Variants in SLC9A9 observed in about 807,000 individuals in gnomAD.
SLC9A9 encodes solute carrier family 9 member A9, also known as sodium/hydrogen exchanger 9.
Under a neutral mutation model 77.8 loss-of-function variants are expected in SLC9A9, and 62 were observed. The observed-to-expected ratio is 0.80, with a 90% CI of 0.65 to 0.98. The LOEUF (loss-of-function observed/expected upper bound fraction) is 0.98, where lower values mean the gene tolerates loss of function less well. Ranked by LOEUF, SLC9A9 falls within the 50% of genes least tolerant of loss-of-function variation. The pLI, the probability that SLC9A9 is intolerant of heterozygous loss-of-function variation, is 0.00. For synonymous variants in SLC9A9, 320 were observed against 283.5 expected (o/e 1.13, Z -1.29); for missense variants, 775 against 774.9 (o/e 1.00, Z 0.00).
chr3:143,845,419 G>T (rs1051906208), intron 1 of SLC9A9, among the ~76,000 whole-genome samples: 47 of 152,164 alleles, frequency 3.1e-4, no homozygotes, highest in African/African-American at 1.1e-3. Flanking sequence ...CTGATAGAAA[G>T]TTCCTAATAA....
chr3:143,358,331 G>A (rs998080847), intron 14 of SLC9A9, among the ~76,000 whole-genome samples: 16 of 152,242 alleles, frequency 1.1e-4, no homozygotes, highest in Admixed American at 9.2e-4. Context: ...CTCCATCCAC[G>A]TGGCTTTATG....
At chr3:143,320,947 A>G (rs2031398209) in intron 14 of SLC9A9, among the ~76,000 whole-genome samples, 1 of 152,200 alleles carries the variant, frequency 6.6e-6, no homozygotes, top group Admixed American at 6.5e-5. Context: ...ATGCCATGTG[A>G]AGACAAAGGA....
chr3:143,658,506 A>G (rs575497492), intron 5 of SLC9A9, among the ~76,000 whole-genome samples: 2 of 152,304 alleles, frequency 1.3e-5, no homozygotes, highest in Admixed American at 6.5e-5. Context: ...AATGAGGAAA[A>G]TTATTCTTTT....
chr3:143,841,347 T>G (rs927861806), intron 1 of SLC9A9, among the ~76,000 whole-genome samples: 2 of 152,186 alleles, frequency 1.3e-5, no homozygotes, highest in African/African-American at 4.8e-5. Context: ...ATTACCTCAG[T>G]TTTCCTACCT....
chr3:143,828,251 C>A (rs1346953897), intron 2 of SLC9A9, among the ~76,000 whole-genome samples: 1 of 152,130 alleles, frequency 6.6e-6, no homozygotes, highest in Non-Finnish European at 1.5e-5. Flanking sequence ...TCTACCAACT[C>A]CAAGAATGAT....
chr3:143,447,452 A>G (rs372541206), intron 12 of SLC9A9, among the ~76,000 whole-genome samples: 1 of 152,248 alleles, frequency 6.6e-6, no homozygotes, highest in East Asian at 1.9e-4. Context: ...CTCTCTGAAA[A>G]CCATTGCCTT....
intron 12 of SLC9A9, among the ~76,000 whole-genome samples, chr3:143,413,787 T>A (rs1559905197): frequency 1.3e-5 from 2 of 150,454 alleles, no homozygotes; most frequent in Non-Finnish European, 1.5e-5. Flanking sequence ...TAACTGTGTG[T>A]GTGTGTGTGT....
intron 9 of SLC9A9, among the ~76,000 whole-genome samples, chr3:143,516,361 T>C (rs543488403): frequency 6.6e-6 from 1 of 152,318 alleles, no homozygotes; most frequent in East Asian, 1.9e-4. Context: ...AGCTTTTATC[T>C]TTATTTTTTG....
At chr3:143,552,792 A>G (rs747125625) in intron 8 of SLC9A9, among the ~76,000 whole-genome samples, 1 of 152,222 alleles carries the variant, frequency 6.6e-6, no homozygotes, top group Non-Finnish European at 1.5e-5. Context: ...GGTTTTTCAT[A>G]GCCAGTGCCA....
chr3:143,807,574 G>A (rs568292918), intron 2 of SLC9A9, among the ~76,000 whole-genome samples: 13 of 151,880 alleles, frequency 8.6e-5, no homozygotes, highest in South Asian at 2.1e-4. Context: ...GTTCAAATCC[G>A]TTTCTACTAA....
intron 14 of SLC9A9, among the ~76,000 whole-genome samples, chr3:143,287,022 G>A (rs778223411): frequency 3.9e-5 from 6 of 152,056 alleles, no homozygotes; most frequent in Non-Finnish European, 8.8e-5. Context: ...CTGTCCCTAC[G>A]TACCTTTTCC....
chr3:143,638,522 G>T (rs990619605), intron 6 of SLC9A9, among the ~76,000 whole-genome samples: 28 of 152,184 alleles, frequency 1.8e-4, no homozygotes, highest in African/African-American at 6.0e-4. Context: ...AATGGTGAAA[G>T]AATTTCCTCC....
chr3:143,595,619 A>G (rs543510438), intron 6 of SLC9A9, among the ~76,000 whole-genome samples: 1 of 152,324 alleles, frequency 6.6e-6, no homozygotes, highest in Non-Finnish European at 1.5e-5. Flanking sequence ...TAGGTGAAGT[A>G]TAGAAATGAG....
intron 11 of SLC9A9, among the ~76,000 whole-genome samples, chr3:143,488,376 G>A (rs1474887481): frequency 6.6e-6 from 1 of 151,962 alleles, no homozygotes; most frequent in East Asian, 1.9e-4. Flanking sequence ...AACCTGAAGA[G>A]GAGGAAGCAA....
At chr3:143,829,790 T>C (rs1419552523) in intron 2 of SLC9A9, among the ~76,000 whole-genome samples, 1 of 152,174 alleles carries the variant, frequency 6.6e-6, no homozygotes, top group Non-Finnish European at 1.5e-5. Flanking sequence ...GCAATAGTAC[T>C]AGTAGTAGTA....
chr3:143,591,754 A>G (rs1379380125), intron 6 of SLC9A9, among the ~76,000 whole-genome samples: 2 of 152,226 alleles, frequency 1.3e-5, no homozygotes, highest in Non-Finnish European at 2.9e-5. Flanking sequence ...TGGTGCCAGG[A>G]ACTAGGGCCC....
intron 4 of SLC9A9, among the ~76,000 whole-genome samples, chr3:143,769,019 C>T (rs1424625360): frequency 4.6e-5 from 7 of 151,990 alleles, no homozygotes; most frequent in African/African-American, 1.4e-4. Flanking sequence ...TGACTTTGGC[C>T]GAGTTATCTT....
intron 2 of SLC9A9, chr3:143,811,727 T>C (rs1034406325): frequency 6.6e-6 from 3 of 454,642 alleles, no homozygotes; most frequent in East Asian, 6.9e-5. Flanking sequence ...CCACGCACAG[T>C]GGCACACGCC....
At chr3:143,720,770 T>C (rs1934475786) in intron 4 of SLC9A9, among the ~76,000 whole-genome samples, 1 of 150,692 alleles carries the variant, frequency 6.6e-6, no homozygotes, top group Non-Finnish European at 1.5e-5. Flanking sequence ...ATGGACAGAG[T>C]GCTGGAAAGT....
Sources: gnomAD v4.1 joint callset for allele counts (sites outside exome capture counted in the v4.1 genomes callset) on GRCh38, gnomAD v4.1.1 for gene constraint, MANE v1.5 for transcripts, NCBI Gene and HGNC (gene_info 2026-07-23, HGNC 2026-07-21) for gene names.